ALDH1A2: variants seen among roughly 807,000 people sequenced by gnomAD.
The protein encoded by ALDH1A2 is retinal dehydrogenase 2.
ALDH1A2 carries 27 observed loss-of-function variants against 60.3 expected under a neutral mutation model. That is an observed-to-expected ratio of 0.45 (90% CI 0.33 to 0.62). The LOEUF is 0.62. Ranked by LOEUF, ALDH1A2 falls within the 20% of genes least tolerant of loss-of-function variation. The probability of loss-of-function intolerance (pLI) is 0.02; values close to 1 mark genes in which losing one functional copy is unlikely to be tolerated. For synonymous variants in ALDH1A2, 289 were observed against 232.4 expected, an observed-to-expected ratio of 1.24 and a Z score of -2.21; for missense variants, 581 against 643.8, an observed-to-expected ratio of 0.90 and a Z score of 1.06.
intron 1 of ALDH1A2, among the ~76,000 whole-genome samples, chr15:58,021,126 T>C (rs1164291402): frequency 6.6e-6 from 1 of 152,234 alleles, no homozygotes; most frequent in Non-Finnish European, 1.5e-5. Flanking sequence ...CTTTATTATT[T>C]TGATGTGTCT....
At chr15:57,964,275 T>G (rs956695453) in intron 8 of ALDH1A2, 1 of 583,194 alleles carries the variant, frequency 1.7e-6, no homozygotes, top group Non-Finnish European at 3.0e-6. Context: ...TCTTTGGGTC[T>G]CTTTCTTATT....
Position 57,989,012 on chromosome 15 carries a change from A to T in ALDH1A2, c.798+3693T>A, listed in dbSNP as rs546002289. On this transcript the variant is annotated intron_variant, in intron 7 of 12. Transcript: ENST00000249750. ...TGAAACCCCATCTCTACTTAAGATAAAAAAAATTAGCCAGGCATGGTGGTG... is the reference window on the plus strand; with the variant it reads ...TGAAACCCCATCTCTACTTAAGATATAAAAAATTAGCCAGGCATGGTGGTG... Among the ~76,000 whole-genome samples the T allele has an allele frequency of 5.5e-3, 250 of 45,142 alleles. 1 individual carries two copies. The highest frequency in any genetic ancestry group is 0.028 in the Admixed American group (163 of 5,796). The allele number at this position is 45,142 out of a possible 152,430, so 29.6% of individuals were successfully genotyped here.
chr15:57,972,967 T>C (rs1291453766), intron 7 of ALDH1A2, among the ~76,000 whole-genome samples: 3 of 152,180 alleles, frequency 2.0e-5, no homozygotes, highest in East Asian at 1.9e-4. Flanking sequence ...GCTTGTATCA[T>C]GCAACATGAC....
At chr15:57,983,522 T>C (rs1357618074) in intron 7 of ALDH1A2, among the ~76,000 whole-genome samples, 1 of 152,250 alleles carries the variant, frequency 6.6e-6, no homozygotes, top group Non-Finnish European at 1.5e-5. Context: ...ATTATCTTTT[T>C]CTTAAAATAC....
At chr15:58,017,472 CCTT>C (rs1287644889) in intron 1 of ALDH1A2, among the ~76,000 whole-genome samples, 1 of 152,052 alleles carries the variant, frequency 6.6e-6, no homozygotes, top group Non-Finnish European at 1.5e-5. Context: ...AACATGGCCA[CCTT>C]CTTTTCTACA....
At chr15:58,020,317 C>T (rs1414565321) in intron 1 of ALDH1A2, among the ~76,000 whole-genome samples, 1 of 151,992 alleles carries the variant, frequency 6.6e-6, no homozygotes, top group Non-Finnish European at 1.5e-5. Context: ...ATTTATATTC[C>T]TTTGGGTGTA....
At chr15:57,965,574 C>T in intron 8 of ALDH1A2, 151 bp downstream of exon 8, 2 of 712,838 alleles carry the variant, frequency 2.8e-6, no homozygotes, top group Non-Finnish European at 5.0e-6. Flanking sequence ...GCTCTTTCCC[C>T]ATTATTAAAC....
rs1895727562 is a variant in ALDH1A2 at position 58,014,305 on chromosome 15, GGATCTGTGACACAGGT to G, written c.118-40_118-25del. The G allele has an allele frequency of 1.9e-6, 3 of 1,571,944 alleles. No homozygotes were observed. The East Asian group carries it at 6.7e-5, about 35-fold the overall frequency. ...ATCTAAGGGAGTAGATAACAGAATG[GGATCTGTGACACAGGT>G]GATAAGCAGCCAGTCAACGGCCAAG... On this transcript the variant is annotated intron_variant, in intron 1 of 12. Transcript: ENST00000249750.
intron 9 of ALDH1A2, among the ~76,000 whole-genome samples, chr15:57,963,006 C>T (rs1042442928): frequency 1.3e-5 from 2 of 152,112 alleles, no homozygotes; most frequent in Non-Finnish European, 2.9e-5. Context: ...TGTGGCCCTC[C>T]CCACCCCACT....
chr15:57,969,815 G>A (rs568894843), intron 7 of ALDH1A2, among the ~76,000 whole-genome samples: 38 of 139,048 alleles, frequency 2.7e-4, no homozygotes, highest in South Asian at 8.7e-4. Flanking sequence ...ATTTTACAAC[G>A]TACTCGTGTG....
At chr15:58,048,534 G>A (rs562578526) in intron 1 of ALDH1A2, among the ~76,000 whole-genome samples, 29 of 152,174 alleles carry the variant, frequency 1.9e-4, no homozygotes, top group Middle Eastern at 3.4e-3. Flanking sequence ...ATTGAGAAGG[G>A]AAGTATGGAT....
At chr15:58,027,859 AAAAG>A (rs1364607374) in intron 1 of ALDH1A2, among the ~76,000 whole-genome samples, 3 of 152,188 alleles carry the variant, frequency 2.0e-5, no homozygotes, top group Non-Finnish European at 2.9e-5. Flanking sequence ...AAAAAGAGTG[AAAAG>A]AAAGAAACAA....
rs147444061 is a variant in ALDH1A2, at chr15:57,983,168, G to T, written c.798+9537C>A. 1.4e-3 allele frequency among the ~76,000 whole-genome samples: 214 copies of T among 152,290 alleles called. 2 individuals carry two copies. The highest frequency in any genetic ancestry group is 5.1e-3 in the African/African-American group (211 of 41,554). On this transcript the variant is annotated intron_variant, in intron 7 of 12. Transcript: ENST00000249750. Reference sequence around the variant, plus strand: ...ACAAAACTGCATTCGCTATTGAAAGGAAACAGTGAAACCTAATATCCCATC... The same window carrying T: ...ACAAAACTGCATTCGCTATTGAAAGTAAACAGTGAAACCTAATATCCCATC...
chr15:57,978,801 C>T (rs1312380681), intron 7 of ALDH1A2, among the ~76,000 whole-genome samples: 1 of 152,116 alleles, frequency 6.6e-6, no homozygotes, highest in Non-Finnish European at 1.5e-5. Flanking sequence ...CTTAGGGAGG[C>T]CAAGGTGCGT....
chr15:58,052,420 G>C (rs529201653), intron 1 of ALDH1A2, among the ~76,000 whole-genome samples: 1 of 152,022 alleles, frequency 6.6e-6, no homozygotes, highest in Non-Finnish European at 1.5e-5. Flanking sequence ...ATCTCATTCT[G>C]GTCTCTCATT....
chr15:58,049,576 A>G (rs1286091880), intron 1 of ALDH1A2, among the ~76,000 whole-genome samples: 1 of 152,068 alleles, frequency 6.6e-6, no homozygotes, highest in African/African-American at 2.4e-5. Context: ...CTCTGTTGCT[A>G]CTAAGACCAC....
intron 3 of ALDH1A2, among the ~76,000 whole-genome samples, chr15:58,011,153 G>A (rs1895621840): frequency 6.6e-6 from 1 of 152,174 alleles, no homozygotes; most frequent in Non-Finnish European, 1.5e-5. Flanking sequence ...TCCATAAAGA[G>A]GAGCAGAAAC....
At chr15:58,058,387 ATTC>A (rs1896946757) in intron 1 of ALDH1A2, among the ~76,000 whole-genome samples, 1 of 149,972 alleles carries the variant, frequency 6.7e-6, no homozygotes, top group Non-Finnish European at 1.5e-5. Context: ...AGGTAATTCC[ATTC>A]TTCTTGTGGG....
At chr15:58,029,593 A>C (rs1171297397) in intron 1 of ALDH1A2, among the ~76,000 whole-genome samples, 2 of 152,002 alleles carry the variant, frequency 1.3e-5, no homozygotes, top group African/African-American at 2.4e-5. Context: ...TAAAAAAAAA[A>C]AAAAATCGAT....
Sources: gnomAD v4.1 joint callset for allele counts (sites outside exome capture counted in the v4.1 genomes callset) on GRCh38, gnomAD v4.1.1 for gene constraint, MANE v1.5 for transcripts, NCBI Gene and HGNC (gene_info 2026-07-23, HGNC 2026-07-21) for gene names.